The following CDH4 variants were observed in gnomAD, a reference collection of about 807,000 sequenced individuals.
The protein encoded by CDH4 is cadherin 4.
In CDH4, 33 loss-of-function variants were observed where a neutral mutation model predicts 86.0. The ratio of observed to expected loss-of-function variants is 0.38; its 90% CI spans 0.29 to 0.51. The LOEUF (loss-of-function observed/expected upper bound fraction) is 0.51, where lower values mean the gene tolerates loss of function less well. Among genes scored for constraint, CDH4 ranks in the 20% least tolerant of loss-of-function variants. The pLI is 0.86. For missense variants in CDH4, 1,114 were observed against 1,307.4 expected (o/e 0.85, Z 2.28); for synonymous variants, 555 against 549.4 (o/e 1.01, Z -0.14).
intron 3 of CDH4, among the ~76,000 whole-genome samples, chr20:61,747,528 C>A (rs1428089231): frequency 6.6e-6 from 1 of 151,436 alleles, no homozygotes; most frequent in Non-Finnish European, 1.5e-5. Context: ...CACTTACTAT[C>A]TTTAAGCAAA....
At chr20:61,786,248 G>A (rs1209218142) in intron 4 of CDH4, among the ~76,000 whole-genome samples, 1 of 152,086 alleles carries the variant, frequency 6.6e-6, no homozygotes, top group Non-Finnish European at 1.5e-5. Flanking sequence ...CTCCTTCCTG[G>A]CCCCAGGCAG....
chr20:61,395,403 G>A (rs540686628), intron 2 of CDH4, among the ~76,000 whole-genome samples: 50 of 152,192 alleles, frequency 3.3e-4, no homozygotes, highest in African/African-American at 1.2e-3. Context: ...ATATATACAT[G>A]CATATATATG....
intron 2 of CDH4, among the ~76,000 whole-genome samples, chr20:61,451,128 C>CG (rs11481263): frequency 1.2e-4 from 13 of 110,960 alleles, no homozygotes; most frequent in African/African-American, 3.5e-4. Flanking sequence ...TCACGCCCCC[C>CG]CCCTTCCCTC....
At chr20:61,873,609 G>A in intron 6 of CDH4, 119 bp from the exon 7 acceptor site, 1 of 1,032,538 alleles carries the variant, frequency 9.7e-7, no homozygotes. Context: ...AGAGGAAGGG[G>A]GTTCCGCTAC....
chr20:61,348,929 A>G lies in CDH4; in HGVS notation c.169+93992A>G, dbSNP rs570755760. On this transcript the variant is annotated intron_variant, in intron 2 of 15. Transcript: ENST00000614565. ...TTCGTTTGTTTTGGGACTACATTTGAAAGAAGAGGCATAGAGACCCGCAGC... is the reference window on the plus strand; with the variant it reads ...TTCGTTTGTTTTGGGACTACATTTGGAAGAAGAGGCATAGAGACCCGCAGC... Among the ~76,000 whole-genome samples the G allele has an allele frequency of 2.6e-5, 4 of 152,340 alleles. No homozygotes were observed. In the East Asian group the frequency reaches 7.7e-4, roughly 29 times the overall value.
At chr20:61,919,711 C>T (rs554715651) in intron 9 of CDH4, among the ~76,000 whole-genome samples, 3 of 151,244 alleles carry the variant, frequency 2.0e-5, no homozygotes, top group South Asian at 2.1e-4. Context: ...TGCATAATTG[C>T]GTGGAAGCGC....
chr20:61,394,004 G>A lies in CDH4; in HGVS notation c.169+139067G>A, dbSNP rs998334901. ...TCTATCTGCATAGATCACAGAAGAC[G>A]TATAATACAAATACTTATATAAATC... On this transcript the variant is annotated intron_variant, in intron 2 of 15. Coordinates refer to ENST00000614565, the MANE Select transcript of CDH4 (RefSeq NM_001794.5). Among the ~76,000 whole-genome samples, 8 of 152,150 alleles carry A rather than the reference G, an allele frequency of 5.3e-5. No homozygotes were observed. In the East Asian group the frequency reaches 5.8e-4, roughly 11 times the overall value.
intron 2 of CDH4, among the ~76,000 whole-genome samples, chr20:61,649,945 T>C (rs1168731901): frequency 6.6e-6 from 1 of 152,000 alleles, no homozygotes; most frequent in African/African-American, 2.4e-5. Flanking sequence ...GATCTGAGAG[T>C]GTGAAACTCA....
chr20:61,797,509 C>T (rs1350528807), intron 4 of CDH4, among the ~76,000 whole-genome samples: 3 of 152,310 alleles, frequency 2.0e-5, no homozygotes, highest in Admixed American at 1.3e-4. Flanking sequence ...TAAAAACATC[C>T]GGCCTCTGGC....
chr20:61,796,107 C>G (rs937667715), intron 4 of CDH4, among the ~76,000 whole-genome samples: 3 of 152,138 alleles, frequency 2.0e-5, no homozygotes, highest in African/African-American at 7.2e-5. Context: ...GCTCCCGGAC[C>G]GCTGCCTCCT....
chr20:61,479,748 T>C (rs1051497448), intron 2 of CDH4, among the ~76,000 whole-genome samples: 3 of 152,228 alleles, frequency 2.0e-5, no homozygotes, highest in African/African-American at 7.2e-5. Flanking sequence ...GTAGTTCTCA[T>C]GAGACTGGGA....
intron 2 of CDH4, among the ~76,000 whole-genome samples, chr20:61,692,136 T>G (rs2087663012): frequency 7.4e-6 from 1 of 135,274 alleles, no homozygotes; most frequent in African/African-American, 3.0e-5. Context: ...TGTGTGTGTC[T>G]GTATGTATGT....
At chr20:61,825,649 G>T (rs1390193273) in intron 4 of CDH4, among the ~76,000 whole-genome samples, 1 of 152,234 alleles carries the variant, frequency 6.6e-6, no homozygotes, top group African/African-American at 2.4e-5. Flanking sequence ...ACTTGCCCAA[G>T]ATTACAAGGC....
intron 2 of CDH4, among the ~76,000 whole-genome samples, chr20:61,515,000 C>G (rs905476783): frequency 6.6e-5 from 10 of 152,194 alleles, no homozygotes; most frequent in Admixed American, 2.0e-4. Context: ...GGGCCTCTGC[C>G]CTGCACCTGA....
At chr20:61,800,613 C>T (rs973024241) in intron 4 of CDH4, among the ~76,000 whole-genome samples, 1 of 152,222 alleles carries the variant, frequency 6.6e-6, no homozygotes, top group African/African-American at 2.4e-5. Context: ...CCTTCAGCTC[C>T]AGGACCACTG....
chr20:61,341,103 C>G (rs1427486654), intron 2 of CDH4, among the ~76,000 whole-genome samples: 1 of 152,196 alleles, frequency 6.6e-6, no homozygotes, highest in African/African-American at 2.4e-5. Context: ...TGGCCTTCAC[C>G]GTAAGCTTGC....
At chr20:61,365,768 C>T (rs1309286106) in intron 2 of CDH4, among the ~76,000 whole-genome samples, 1 of 152,080 alleles carries the variant, frequency 6.6e-6, no homozygotes, top group African/African-American at 2.4e-5. Context: ...TTTGGAGAGA[C>T]AGTAACCAAG....
At chr20:61,319,872 T>C (rs950868315) in intron 2 of CDH4, among the ~76,000 whole-genome samples, 4 of 151,702 alleles carry the variant, frequency 2.6e-5, no homozygotes, top group Non-Finnish European at 4.4e-5. Context: ...GGAGAATCAC[T>C]TGAACCTGGG....
At chr20:61,531,839 G>A (rs2085957124) in intron 2 of CDH4, among the ~76,000 whole-genome samples, 3 of 152,222 alleles carry the variant, frequency 2.0e-5, no homozygotes, top group Non-Finnish European at 2.9e-5. Context: ...AACTCACTTC[G>A]ACCAACACCG....
Sources: allele counts gnomAD v4.1 joint callset (sites outside exome capture counted in the v4.1 genomes callset), GRCh38; gene constraint gnomAD v4.1.1; transcripts MANE v1.5; gene names NCBI Gene and HGNC (gene_info 2026-07-23, HGNC 2026-07-21).